NOX4: variants seen among roughly 807,000 people sequenced by gnomAD.
NOX4 encodes the protein NADPH oxidase 4, also known as kidney oxidase-1.
NOX4 carries 69 observed loss-of-function variants against 87.6 expected under a neutral mutation model. The observed-to-expected ratio is 0.79, with a 90% CI of 0.65 to 0.96. The LOEUF is 0.96. Among genes scored for constraint, NOX4 ranks in the 40% least tolerant of loss-of-function variants. The probability of loss-of-function intolerance (pLI) is 0.00; values close to 1 mark genes in which losing one functional copy is unlikely to be tolerated. For synonymous variants in NOX4, 275 were observed against 238.2 expected, an observed-to-expected ratio of 1.15 and a Z score of -1.42; for missense variants, 680 against 681.5, an observed-to-expected ratio of 1.00 and a Z score of 0.02.
chr11:89,359,166 T>C (rs1938318111), intron 12 of NOX4, among the ~76,000 whole-genome samples: 1 of 152,058 alleles, frequency 6.6e-6, no homozygotes, highest in Non-Finnish European at 1.5e-5. Flanking sequence ...CTCTGGTTAA[T>C]CAACTGTGAC....
At chr11:89,380,258 A>T (rs1384024635) in intron 11 of NOX4, among the ~76,000 whole-genome samples, 1 of 152,186 alleles carries the variant, frequency 6.6e-6, no homozygotes, top group Admixed American at 6.5e-5. Flanking sequence ...GAGTAAAAAT[A>T]GCCAGAAAAT....
chr11:89,415,892 T>C (rs561594347), intron 8 of NOX4, among the ~76,000 whole-genome samples: 7 of 152,220 alleles, frequency 4.6e-5, no homozygotes, highest in East Asian at 1.9e-4. Context: ...CTAATGACCA[T>C]GGTAGTGGAC....
At chr11:89,455,695 C>T (rs1945162671) in intron 2 of NOX4, among the ~76,000 whole-genome samples, 3 of 146,042 alleles carry the variant, frequency 2.1e-5, no homozygotes, top group South Asian at 4.3e-4. Context: ...TGAAAACTCC[C>T]CACTGTTATC....
chr11:89,540,832 A>AAAAAAAT, the NOX4 span, among the ~76,000 whole-genome samples: 2 of 136,798 alleles, frequency 1.5e-5, no homozygotes, highest in South Asian at 2.4e-4. Context: ...AAAAAAAAAA[A>AAAAAAAT]TTGAAAGCTT....
At chr11:89,504,511 G>A in the NOX4 span, among the ~76,000 whole-genome samples, 1 of 151,896 alleles carries the variant, frequency 6.6e-6, no homozygotes, top group African/African-American at 2.4e-5. Flanking sequence ...GTAGATAGGT[G>A]ATAAGAGACA....
At chr11:89,386,001 T>C (rs1025940423) in intron 11 of NOX4, among the ~76,000 whole-genome samples, 1 of 152,144 alleles carries the variant, frequency 6.6e-6, no homozygotes, top group African/African-American at 2.4e-5. Flanking sequence ...GGAACCTTCA[T>C]ACCCCTTACT....
intron 13 of NOX4, among the ~76,000 whole-genome samples, chr11:89,349,457 G>A (rs1946361801): frequency 1.3e-5 from 2 of 152,148 alleles, no homozygotes; most frequent in Non-Finnish European, 2.9e-5. Flanking sequence ...ATAAGCTGGA[G>A]AACAGACTAT....
intron 2 of NOX4, among the ~76,000 whole-genome samples, 175 bp from the exon 3 acceptor site, chr11:89,452,070 G>A (rs766809313): frequency 1.3e-5 from 2 of 152,038 alleles, no homozygotes; most frequent in African/African-American, 4.8e-5. Context: ...CCCTTTGAAC[G>A]ACTTCTTTCT....
intron 2 of NOX4, among the ~76,000 whole-genome samples, chr11:89,489,921 C>T (rs1009239703): frequency 1.3e-5 from 2 of 151,946 alleles, no homozygotes; most frequent in African/African-American, 2.4e-5. Flanking sequence ...AAAAGTTTTG[C>T]CCAGTATCTT....
chr11:89,412,732 G>C (rs1942545759), intron 8 of NOX4, among the ~76,000 whole-genome samples: 1 of 151,970 alleles, frequency 6.6e-6, no homozygotes, highest in Non-Finnish European at 1.5e-5. Flanking sequence ...ACCTCTAAAA[G>C]AAAACACTGG....
intron 7 of NOX4, among the ~76,000 whole-genome samples, chr11:89,429,114 G>A (rs1030608028): frequency 1.3e-5 from 2 of 152,076 alleles, no homozygotes; most frequent in South Asian, 2.1e-4. Context: ...TGACTACTGG[G>A]TACATAACAA....
chr11:89,396,667 T>C (rs1252777866), intron 11 of NOX4, among the ~76,000 whole-genome samples: 1 of 152,040 alleles, frequency 6.6e-6, no homozygotes, highest in Non-Finnish European at 1.5e-5. Context: ...GGGATTGCAA[T>C]CCTAGTCTCT....
At chr11:89,463,161 G>A (rs529704) in intron 2 of NOX4, among the ~76,000 whole-genome samples, 10,246 of 151,762 alleles carry the variant, frequency 0.068, 1,210 homozygotes, top group African/African-American at 0.24. Flanking sequence ...TATGTAAATC[G>A]TTTAATTGAA....
At chr11:89,424,049 G>C (rs1943233727) in intron 7 of NOX4, among the ~76,000 whole-genome samples, 1 of 151,804 alleles carries the variant, frequency 6.6e-6, no homozygotes, top group African/African-American at 2.4e-5. Context: ...TTCCAGCCTG[G>C]ATGAGAGAGA....
At chr11:89,530,604 C>T in the NOX4 span, among the ~76,000 whole-genome samples, 3 of 150,674 alleles carry the variant, frequency 2.0e-5, no homozygotes, top group African/African-American at 7.3e-5. Context: ...CCTGCCTAAA[C>T]CTCCACCCAC....
the NOX4 span, among the ~76,000 whole-genome samples, chr11:89,539,463 C>T: frequency 6.6e-6 from 1 of 151,902 alleles, no homozygotes; most frequent in Non-Finnish European, 1.5e-5. Context: ...AATAAATAAA[C>T]TGTTGTTGTT....
the NOX4 span, among the ~76,000 whole-genome samples, chr11:89,520,068 C>G: frequency 6.8e-4 from 104 of 151,906 alleles, no homozygotes; most frequent in South Asian, 1.7e-3. Context: ...TGAGTTTGTA[C>G]CATTATGATC....
At chr11:89,496,786 T>A (rs189011548), upstream of NOX4, among the ~76,000 whole-genome samples, 71 of 152,280 alleles carry the variant, frequency 4.7e-4, no homozygotes, top group South Asian at 1.5e-3. Flanking sequence ...CTCTCTCTCC[T>A]CTCTTTATGT....
At position 89,326,650 on chromosome 11, in the gene NOX4, C is replaced by T; in HGVS notation, c.*106G>A. ...TTTTAAATAATCATAAATAAGAAAA[C>T]CTTACTATTCTTTGGCATAACACAG... On this transcript the variant is annotated 3_prime_UTR_variant, in exon 18 of 18. Coordinates refer to ENST00000263317, the MANE Select transcript of NOX4 (RefSeq NM_016931.5). The T allele has an allele frequency of 2.3e-6, 2 of 882,938 alleles. No individual in the cohort carries two copies. Among genetic ancestry groups the T allele is most frequent in the East Asian group, 2.6e-5 (1 of 38,022 alleles). The allele number at this position is 882,938 out of a possible 1,614,324, so 54.7% of individuals were successfully genotyped here. A position where few individuals can be genotyped will look rare whatever the true frequency, so the allele number is the denominator to read the frequency against.
Sources: allele counts gnomAD v4.1 joint callset (sites outside exome capture counted in the v4.1 genomes callset), GRCh38; gene constraint gnomAD v4.1.1; transcripts MANE v1.5; gene names NCBI Gene and HGNC (gene_info 2026-07-23, HGNC 2026-07-21).